The following PAQR5 variants were observed in gnomAD, a reference collection of about 807,000 sequenced individuals.
PAQR5 encodes membrane progestin receptor gamma.
PAQR5 carries 20 observed loss-of-function variants against 34.5 expected under a neutral mutation model. The ratio of observed to expected loss-of-function variants is 0.58; its 90% CI spans 0.41 to 0.84. PAQR5 has a LOEUF of 0.84. Among genes scored for constraint, PAQR5 ranks in the 40% least tolerant of loss-of-function variants. The pLI is 0.00. For synonymous variants in PAQR5, 131 were observed against 155.6 expected, an observed-to-expected ratio of 0.84 and a Z score of 1.18; for missense variants, 378 against 412.7, an observed-to-expected ratio of 0.92 and a Z score of 0.73.
At chr15:69,300,937 C>CTCTCTCTTTCCTTCTTTCTTTCTTTCTT (rs2053578922) in intron 1 of PAQR5, among the ~76,000 whole-genome samples, 1 of 5,186 alleles carries the variant, frequency 1.9e-4, no homozygotes, top group African/African-American at 2.9e-4. Context: ...CTCTCTCTCT[C>CTCTCTCTTTCCTTCTTTCTTTCTTTCTT]TCTTTCTTTC....
intron 3 of PAQR5, among the ~76,000 whole-genome samples, chr15:69,373,870 C>A (rs1272587665): frequency 1.3e-5 from 2 of 152,070 alleles, no homozygotes; most frequent in Non-Finnish European, 2.9e-5. Context: ...TCCTAAAGTG[C>A]TGAGATTACA....
intron 4 of PAQR5, among the ~76,000 whole-genome samples, chr15:69,380,715 G>T (rs1228550627): frequency 6.6e-6 from 1 of 152,228 alleles, no homozygotes; most frequent in Non-Finnish European, 1.5e-5. Flanking sequence ...CAGGGTCAAA[G>T]CACCAAATCA....
chr15:69,360,007 A>G lies in PAQR5; in HGVS notation c.-74A>G. 8.6e-7 allele frequency: 1 copy of G among 1,164,778 alleles called. No individual in the cohort carries two copies. Among genetic ancestry groups the G allele is most frequent in the Non-Finnish European group, 1.3e-6 (1 of 774,014 alleles). The allele number at this position is 1,164,778 out of a possible 1,614,324, so 72.2% of individuals were successfully genotyped here. A position where few individuals can be genotyped will look rare whatever the true frequency, so the allele number is the denominator to read the frequency against. On this transcript the variant is annotated 5_prime_UTR_variant, in exon 3 of 9. An upstream start codon of the reference 5' UTR is lost. Coordinates refer to ENST00000395407, the MANE Select transcript of PAQR5 (RefSeq NM_017705.4). ...CAGCTAGGCAGAGACGCCCCAGGCC[A>G]TGTTAGAGCTTTGAGTGAGGCCTGG...
intron 2 of PAQR5, among the ~76,000 whole-genome samples, chr15:69,357,980 C>T (rs531941529): frequency 9.2e-5 from 14 of 152,122 alleles, no homozygotes; most frequent in African/African-American, 3.1e-4. Context: ...ACTGTAGGTA[C>T]GATGTGGTTG....
Position 69,360,159 on chromosome 15 carries a change from C to T in PAQR5, c.51+28C>T, listed in dbSNP as rs1488197076. On this transcript the variant is annotated intron_variant, in intron 3 of 8. Coordinates refer to ENST00000395407, the MANE Select transcript of PAQR5 (RefSeq NM_017705.4). ...ATGTGCTCTATTGATTATGATGGTTCATTTCCAGAGTGTGACCAGGGCTTG... is the reference window on the plus strand; with the variant it reads ...ATGTGCTCTATTGATTATGATGGTTTATTTCCAGAGTGTGACCAGGGCTTG... The T allele has an allele frequency of 4.4e-6, 7 of 1,583,784 alleles. No individual in the cohort carries two copies. In the African/African-American group the frequency reaches 8.1e-5, roughly 18 times the overall value.
intron 2 of PAQR5, among the ~76,000 whole-genome samples, chr15:69,355,406 C>CT (rs1215578108): frequency 8.3e-6 from 1 of 120,386 alleles, no homozygotes; most frequent in South Asian, 2.7e-4. Flanking sequence ...TTCCTTCTTT[C>CT]TTTTTTTTCT....
intron 5 of PAQR5, among the ~76,000 whole-genome samples, chr15:69,386,199 C>T (rs983045194): frequency 1.3e-5 from 2 of 151,362 alleles, no homozygotes; most frequent in South Asian, 2.1e-4. Flanking sequence ...TCAGACACTA[C>T]ACACACATTC....
chr15:69,396,043 C>A (rs2056420037), intron 6 of PAQR5, among the ~76,000 whole-genome samples: 1 of 151,720 alleles, frequency 6.6e-6, no homozygotes, highest in Non-Finnish European at 1.5e-5. Flanking sequence ...TGGAGAATGT[C>A]CGCATCCTCA....
intron 6 of PAQR5, among the ~76,000 whole-genome samples, chr15:69,392,463 T>C (rs956839589): frequency 6.6e-6 from 1 of 152,222 alleles, no homozygotes; most frequent in African/African-American, 2.4e-5. Flanking sequence ...TATTTATTTA[T>C]GGAGTACATC....
chr15:69,318,090 G>A (rs1270653777), intron 1 of PAQR5, among the ~76,000 whole-genome samples: 4 of 152,184 alleles, frequency 2.6e-5, no homozygotes, highest in Non-Finnish European at 5.9e-5. Context: ...GTTTCGTTGC[G>A]AGGACTCAGC....
intron 1 of PAQR5, among the ~76,000 whole-genome samples, chr15:69,327,489 C>T (rs892337856): frequency 4.6e-5 from 7 of 152,092 alleles, no homozygotes; most frequent in Admixed American, 3.9e-4. Flanking sequence ...AAACTCTAAG[C>T]TCCTGGAGGC....
intron 2 of PAQR5, among the ~76,000 whole-genome samples, chr15:69,357,413 A>C (rs1271559724): frequency 1.3e-5 from 2 of 152,036 alleles, no homozygotes; most frequent in Admixed American, 1.3e-4. Context: ...ACAGTTGTGC[A>C]CCACCATGCC....
intron 1 of PAQR5, among the ~76,000 whole-genome samples, chr15:69,304,245 A>C (rs563715439): frequency 1.3e-5 from 2 of 152,150 alleles, no homozygotes; most frequent in Non-Finnish European, 2.9e-5. Context: ...TTCATGCACT[A>C]CTGCCCTGGC....
chr15:69,399,932 G>C (rs2056571571), intron 7 of PAQR5, 42 bp from the exon 8 acceptor site: 1 of 1,595,094 alleles, frequency 6.3e-7, no homozygotes. Flanking sequence ...CCTGCCTCAG[G>C]CCTGTCCTCT....
chr15:69,348,367 A>G (rs920885448), intron 2 of PAQR5, among the ~76,000 whole-genome samples: 4 of 152,194 alleles, frequency 2.6e-5, no homozygotes, highest in African/African-American at 9.7e-5. Flanking sequence ...GAGTTAAGTA[A>G]CTTACCTAAG....
rs538717796 is a variant in PAQR5, at chr15:69,401,465, G to C, written c.751+1350G>C. On this transcript the variant is annotated intron_variant, in intron 8 of 8. Coordinates refer to ENST00000395407, the MANE Select transcript of PAQR5 (RefSeq NM_017705.4). Reference sequence around the variant, plus strand: ...CAAAAAGGAGGAAAAGGAGAGGCCAGGGAATCGGAGTCACCAGCATCCTGA... The same window carrying C: ...CAAAAAGGAGGAAAAGGAGAGGCCACGGAATCGGAGTCACCAGCATCCTGA... Among the ~76,000 whole-genome samples the C allele has an allele frequency of 2.6e-5, 4 of 152,312 alleles. No homozygotes were observed. The South Asian group carries it at 8.3e-4, about 32-fold the overall frequency.
intron 6 of PAQR5, among the ~76,000 whole-genome samples, chr15:69,394,607 TC>T (rs1482766721): frequency 6.6e-6 from 1 of 152,232 alleles, no homozygotes; most frequent in Admixed American, 6.5e-5. Flanking sequence ...CGAAGGCTTC[TC>T]CCGTAACCCA....
At chr15:69,321,721 A>C (rs1290289042) in intron 1 of PAQR5, among the ~76,000 whole-genome samples, 1 of 152,206 alleles carries the variant, frequency 6.6e-6, no homozygotes, top group African/African-American at 2.4e-5. Flanking sequence ...CACCAGGTAG[A>C]AGATGCCAGA....
At chr15:69,379,453 T>G (rs537357432) in intron 3 of PAQR5, 2 of 985,430 alleles carry the variant, frequency 2.0e-6, no homozygotes, top group African/African-American at 1.7e-5. Context: ...GGGCATCTTC[T>G]GCAGAGTTCT....
Sources: allele counts gnomAD v4.1 joint callset (sites outside exome capture counted in the v4.1 genomes callset), GRCh38; gene constraint gnomAD v4.1.1; transcripts MANE v1.5; gene names NCBI Gene and HGNC (gene_info 2026-07-23, HGNC 2026-07-21).